The following PRELID2 variants were observed in gnomAD, a reference collection of about 807,000 sequenced individuals.
PRELID2 encodes the protein PRELI domain containing 2.
In PRELID2, 25 loss-of-function variants were observed where a neutral mutation model predicts 28.4. The ratio of observed to expected loss-of-function variants is 0.88; its 90% CI spans 0.64 to 1.23. The LOEUF (loss-of-function observed/expected upper bound fraction) is 1.23. PRELID2 is among the 50% of genes most tolerant of loss of function. The pLI is 0.00. For missense variants in PRELID2, 201 were observed against 214.4 expected (o/e 0.94, Z 0.39); for synonymous variants, 76 against 71.6 (o/e 1.06, Z -0.31).
chr5:145,314,196 T>A, the PRELID2 span, among the ~76,000 whole-genome samples: 1 of 152,190 alleles, frequency 6.6e-6, no homozygotes, highest in Non-Finnish European at 1.5e-5. Context: ...CACAAAGCAA[T>A]GGTGCTGGAA....
the PRELID2 span, among the ~76,000 whole-genome samples, chr5:145,348,184 T>C: frequency 2.0e-5 from 3 of 152,076 alleles, no homozygotes; most frequent in Non-Finnish European, 4.4e-5. Context: ...ATAAACACAT[T>C]AGTGAATGTG....
the PRELID2 span, among the ~76,000 whole-genome samples, chr5:145,329,122 T>A: frequency 6.6e-6 from 1 of 152,200 alleles, no homozygotes; most frequent in Non-Finnish European, 1.5e-5. Context: ...TCTGTTCTGT[T>A]CCATTGGTCT....
At chr5:145,323,193 T>C in the PRELID2 span, among the ~76,000 whole-genome samples, 1 of 144,984 alleles carries the variant, frequency 6.9e-6, no homozygotes, top group Non-Finnish European at 1.5e-5. Context: ...AAAAAAAAAA[T>C]ATGTGCAAAG....
intron 1 of PRELID2, among the ~76,000 whole-genome samples, chr5:145,721,024 A>G (rs542975540): frequency 7.9e-5 from 12 of 152,206 alleles, no homozygotes; most frequent in African/African-American, 2.6e-4. Context: ...AAAATAATAA[A>G]CCCATTACAT....
intron 1 of PRELID2, among the ~76,000 whole-genome samples, chr5:145,666,202 C>CA (rs1349179988): frequency 6.6e-6 from 1 of 151,900 alleles, no homozygotes; most frequent in African/African-American, 2.4e-5. Context: ...TGCAGGTTGG[C>CA]AAAAAGAGAT....
chr5:145,549,781 C>A (rs775691981), intron 1 of PRELID2, among the ~76,000 whole-genome samples: 1 of 148,994 alleles, frequency 6.7e-6, no homozygotes, highest in Non-Finnish European at 1.5e-5. Flanking sequence ...GGTGACAGAG[C>A]GAGATTCAGT....
chr5:145,238,558 A>G, the PRELID2 span, among the ~76,000 whole-genome samples: 1 of 152,110 alleles, frequency 6.6e-6, no homozygotes, highest in African/African-American at 2.4e-5. Context: ...ATATGTACTA[A>G]GCATCTGTTG....
chr5:145,478,976 C>T (rs1000889397), intron 1 of PRELID2, among the ~76,000 whole-genome samples: 1 of 152,170 alleles, frequency 6.6e-6, no homozygotes, highest in Non-Finnish European at 1.5e-5. Flanking sequence ...ACCCAGAAGT[C>T]ACAATTCTTC....
At chr5:145,423,940 G>A in the PRELID2 span, among the ~76,000 whole-genome samples, 1 of 150,306 alleles carries the variant, frequency 6.7e-6, no homozygotes, top group Non-Finnish European at 1.5e-5. Context: ...CTGTTTGTTA[G>A]TTTTCCTTCT....
At chr5:145,526,247 C>T (rs1752604548) in intron 1 of PRELID2, among the ~76,000 whole-genome samples, 1 of 152,180 alleles carries the variant, frequency 6.6e-6, no homozygotes, top group African/African-American at 2.4e-5. Context: ...CACACGTGTG[C>T]TAAGTAGCAG....
chr5:145,457,319 GCAAAGATCCTTGAAC>G, the PRELID2 span, among the ~76,000 whole-genome samples: 34 of 152,132 alleles, frequency 2.2e-4, no homozygotes, highest in Non-Finnish European at 4.4e-4. Flanking sequence ...AAGTATGGAA[GCAAAGATCCTTGAAC>G]CATCTTTGGC....
intron 2 of PRELID2, among the ~76,000 whole-genome samples, chr5:145,821,207 G>GTC (rs1473575760): frequency 2.9e-5 from 4 of 137,008 alleles, no homozygotes; most frequent in African/African-American, 8.5e-5. Context: ...GTGTGTGTGT[G>GTC]TAAGTCCTCT....
chr5:145,531,743 C>T (rs1752656643), intron 1 of PRELID2, among the ~76,000 whole-genome samples: 1 of 152,118 alleles, frequency 6.6e-6, no homozygotes, highest in Admixed American at 6.6e-5. Flanking sequence ...GACCTAGATC[C>T]ACAAACATTT....
intron 4 of PRELID2, among the ~76,000 whole-genome samples, chr5:145,803,064 A>T (rs1223215311): frequency 1.3e-5 from 2 of 152,138 alleles, no homozygotes; most frequent in Admixed American, 6.5e-5. Context: ...GGGCAAAAAA[A>T]GCTTCCACAG....
chr5:145,641,882 T>C (rs1287715879), intron 1 of PRELID2, among the ~76,000 whole-genome samples: 1 of 152,218 alleles, frequency 6.6e-6, no homozygotes, highest in Non-Finnish European at 1.5e-5. Flanking sequence ...CCATGGTGAG[T>C]ATGTGCCACA....
intron 1 of PRELID2, among the ~76,000 whole-genome samples, chr5:145,559,328 T>G (rs1314037651): frequency 6.6e-6 from 1 of 151,646 alleles, no homozygotes; most frequent in East Asian, 1.9e-4. Flanking sequence ...TTTTATAAAT[T>G]AGGGTATCTA....
At chr5:145,770,186 TTTA>T (rs1758016624) in intron 5 of PRELID2, among the ~76,000 whole-genome samples, 1 of 152,266 alleles carries the variant, frequency 6.6e-6, no homozygotes, top group South Asian at 2.1e-4. Context: ...GGTTTATATA[TTTA>T]TTATGTTGTA....
the PRELID2 span, among the ~76,000 whole-genome samples, chr5:145,278,682 C>T: frequency 0.014 from 2,090 of 152,190 alleles, 42 homozygotes; most frequent in African/African-American, 0.047. Flanking sequence ...AAATAAGTCA[C>T]AGGTGCTGCC....
intron 1 of PRELID2, among the ~76,000 whole-genome samples, chr5:145,478,781 C>T (rs1561490862): frequency 1.3e-5 from 2 of 152,102 alleles, no homozygotes; most frequent in South Asian, 2.1e-4. Flanking sequence ...AGGTTTTATT[C>T]GATAACTATT....
Sources: gnomAD v4.1 joint callset for allele counts (sites outside exome capture counted in the v4.1 genomes callset) on GRCh38, gnomAD v4.1.1 for gene constraint, MANE v1.5 for transcripts, NCBI Gene and HGNC (gene_info 2026-07-23, HGNC 2026-07-21) for gene names.